Variants in PTPRN2 observed in about 807,000 individuals in gnomAD.
PTPRN2 encodes the protein receptor-type tyrosine-protein phosphatase N2.
Under a neutral mutation model 118.8 loss-of-function variants are expected in PTPRN2, and 74 were observed. The ratio of observed to expected loss-of-function variants is 0.62; its 90% CI spans 0.52 to 0.76. The LOEUF is 0.76. PTPRN2 is among the 30% of genes least tolerant of loss of function. PTPRN2 has a pLI of 0.00. For synonymous variants in PTPRN2, 641 were observed against 608.0 expected (o/e 1.05, Z -0.80); for missense variants, 1,481 against 1,394.4 (o/e 1.06, Z -0.99).
intron 12 of PTPRN2, among the ~76,000 whole-genome samples, chr7:157,749,583 T>G (rs1294709189): frequency 1.4e-5 from 2 of 139,472 alleles, no homozygotes; most frequent in South Asian, 2.4e-4. Flanking sequence ...TTCTGAAGCC[T>G]GCGGCTGTGA....
At chr7:158,168,017 T>C (rs1404061730) in intron 5 of PTPRN2, among the ~76,000 whole-genome samples, 1 of 152,248 alleles carries the variant, frequency 6.6e-6, no homozygotes, top group Admixed American at 6.5e-5. Flanking sequence ...TTGGGTTTAT[T>C]CGAGGATATT....
intron 17 of PTPRN2, among the ~76,000 whole-genome samples, chr7:157,579,625 G>T (rs1047073200): frequency 6.6e-6 from 1 of 152,216 alleles, no homozygotes; most frequent in Non-Finnish European, 1.5e-5. Context: ...GGGGGGACCC[G>T]GACGGCCTGG....
At chr7:158,436,361 C>T (rs945648408) in intron 2 of PTPRN2, among the ~76,000 whole-genome samples, 1 of 152,010 alleles carries the variant, frequency 6.6e-6, no homozygotes, top group African/African-American at 2.4e-5. Flanking sequence ...TCGTAGGAGT[C>T]ATCTGTTGAT....
At position 157,674,364 on chromosome 7, in the gene PTPRN2, G is replaced by A. The variant is rs771365225; in HGVS notation, c.2001+8361C>T. Among the ~76,000 whole-genome samples the A allele has an allele frequency of 6.6e-6, 1 of 152,138 alleles. No homozygotes were observed. The highest frequency in any genetic ancestry group is 2.4e-5 in the African/African-American group (1 of 41,426). ...ATCAGCCTTCCTTATCCACGTCCTCGAAGTGATCCCCGTTTGACATTTGGA... is the reference window on the plus strand; with the variant it reads ...ATCAGCCTTCCTTATCCACGTCCTCAAAGTGATCCCCGTTTGACATTTGGA... On this transcript the variant is annotated intron_variant, in intron 13 of 22. Transcript: ENST00000389418. This position sits in a 1 kb window ranked among gnomAD's most constrained non-coding sequence, Gnocchi z 4.5.
Position 157,849,963 on chromosome 7 carries a change from C to T in PTPRN2, c.1788+48710G>A, listed in dbSNP as rs73165866. Among the ~76,000 whole-genome samples the T allele has an allele frequency of 3.6e-3, 542 of 152,352 alleles. 3 individuals carry two copies. The highest frequency in any genetic ancestry group is 5.8e-3 in the Non-Finnish European group (395 of 68,040). On this transcript the variant is annotated intron_variant, in intron 12 of 22. Coordinates refer to ENST00000389418, the MANE Select transcript of PTPRN2 (RefSeq NM_002847.5). ...CTGGGGACGACATGAGATAGCCAGG[C>T]TCCCCGTCCCTCAGGGATGGTCTTC...
intron 11 of PTPRN2, among the ~76,000 whole-genome samples, chr7:157,970,553 T>C (rs951466729): frequency 6.6e-6 from 1 of 151,940 alleles, no homozygotes; most frequent in Non-Finnish European, 1.5e-5. Flanking sequence ...GGTGGCCAGA[T>C]GCAGCTGCGC....
chr7:158,093,837 C>A lies in PTPRN2; in HGVS notation c.1644-12460G>T, dbSNP rs1814411183. On this transcript the variant is annotated intron_variant, in intron 10 of 22. Transcript: ENST00000389418. This position sits in a 1 kb window ranked among gnomAD's most constrained non-coding sequence, Gnocchi z 4.4. ...AAGGAGGAAGAAGAGAGAACCAATT[C>A]TTATTTGAATGTATGAGGAAACAAA... Among the ~76,000 whole-genome samples, 1 of 152,156 alleles carries A rather than the reference C, an allele frequency of 6.6e-6. No individual in the cohort carries two copies. Among genetic ancestry groups the A allele is most frequent in the South Asian group, 2.1e-4 (1 of 4,832 alleles).
At chr7:158,412,351 T>C (rs1407371264) in intron 2 of PTPRN2, among the ~76,000 whole-genome samples, 2 of 36,624 alleles carry the variant, frequency 5.5e-5, no homozygotes, top group Non-Finnish European at 4.8e-5. Context: ...GCACCCTCCT[T>C]AGCACCAGGG....
intron 11 of PTPRN2, among the ~76,000 whole-genome samples, chr7:158,019,110 C>A (rs192163207): frequency 3.3e-5 from 5 of 152,304 alleles, no homozygotes; most frequent in African/African-American, 7.2e-5. Context: ...GGGTCTGGAT[C>A]CCCCACGGAA....
At chr7:158,261,610 C>T (rs1002482129) in intron 3 of PTPRN2, among the ~76,000 whole-genome samples, 2 of 152,242 alleles carry the variant, frequency 1.3e-5, no homozygotes, top group African/African-American at 2.4e-5. Flanking sequence ...AGAATGTGGA[C>T]GTCCACTCCA....
intron 2 of PTPRN2, among the ~76,000 whole-genome samples, chr7:158,460,589 A>G (rs913283372): frequency 5.3e-5 from 8 of 151,726 alleles, no homozygotes; most frequent in Admixed American, 4.6e-4. Context: ...CTCTATCTAC[A>G]TGTTCCTGCT....
intron 8 of PTPRN2, 67 bp from the exon 9 acceptor site, chr7:158,134,126 G>A: frequency 1.3e-6 from 2 of 1,527,036 alleles, no homozygotes; most frequent in South Asian, 1.3e-5. Context: ...ATGCAATCAA[G>A]GGCTGCCCGG....
chr7:157,722,579 T>C lies in PTPRN2; in HGVS notation c.1789-39642A>G, dbSNP rs575048600. On this transcript the variant is annotated intron_variant, in intron 12 of 22. Coordinates refer to ENST00000389418, the MANE Select transcript of PTPRN2 (RefSeq NM_002847.5). ...TGCGTTTGCACTGAAATGTGTGGAC[T>C]TGACGCCAGAAGCAACTCCTGCGTG... 6.5e-4 allele frequency among the ~76,000 whole-genome samples: 99 copies of C among 152,342 alleles called. 1 individual carries two copies. The highest frequency in any genetic ancestry group is 2.2e-3 in the African/African-American group (93 of 41,574).
chr7:158,264,958 T>G (rs189457033), intron 3 of PTPRN2, among the ~76,000 whole-genome samples: 50 of 152,196 alleles, frequency 3.3e-4, no homozygotes, highest in African/African-American at 1.1e-3. Flanking sequence ...GACCCTCACC[T>G]GCTAGAGCAG....
intron 10 of PTPRN2, among the ~76,000 whole-genome samples, chr7:158,103,549 C>A (rs1449221751): frequency 6.6e-6 from 1 of 152,224 alleles, no homozygotes; most frequent in Non-Finnish European, 1.5e-5. Flanking sequence ...TCCAGCCTCA[C>A]TTCCCTAGCA....
At chr7:157,800,820 C>T (rs113410680) in intron 12 of PTPRN2, among the ~76,000 whole-genome samples, 4,498 of 151,750 alleles carry the variant, frequency 0.03, 214 homozygotes, top group African/African-American at 0.1. Flanking sequence ...GGTGTGGTGG[C>T]GGGCACCTGT....
At chr7:158,499,807 G>GTA (rs1554518888) in intron 1 of PTPRN2, among the ~76,000 whole-genome samples, 2,257 of 148,934 alleles carry the variant, frequency 0.015, 37 homozygotes, top group Middle Eastern at 0.038. Context: ...GTGTGTGTGT[G>GTA]TATATATATA....
intron 1 of PTPRN2, among the ~76,000 whole-genome samples, chr7:158,511,977 T>A (rs1823211571): frequency 6.6e-6 from 1 of 152,028 alleles, no homozygotes; most frequent in African/African-American, 2.4e-5. Flanking sequence ...TGTGGATAAA[T>A]GACATGCATT....
At chr7:158,366,453 C>A (rs189566782) in intron 2 of PTPRN2, among the ~76,000 whole-genome samples, 12 of 150,430 alleles carry the variant, frequency 8.0e-5, no homozygotes, top group African/African-American at 2.9e-4. Context: ...GCACACACAC[C>A]CACACACCCA....
Sources: gnomAD v4.1 joint callset for allele counts (sites outside exome capture counted in the v4.1 genomes callset) on GRCh38, gnomAD v4.1.1 for gene constraint, Gnocchi (gnomAD v3.1) non-coding constraint, MANE v1.5 for transcripts, NCBI Gene and HGNC (gene_info 2026-07-23, HGNC 2026-07-21) for gene names.